PRELID2: variants seen among roughly 807,000 people sequenced by gnomAD.
The protein encoded by PRELID2 is PRELI domain-containing protein 2.
PRELID2 carries 25 observed loss-of-function variants against 28.4 expected under a neutral mutation model. That is an observed-to-expected ratio of 0.88 (90% CI 0.64 to 1.23). The LOEUF is 1.23. PRELID2 is among the 50% of genes most tolerant of loss of function. PRELID2 has a pLI of 0.00. For missense variants in PRELID2, 201 were observed against 214.4 expected, an observed-to-expected ratio of 0.94 and a Z score of 0.39; for synonymous variants, 76 against 71.6, an observed-to-expected ratio of 1.06 and a Z score of -0.31.
At chr5:145,630,133 G>A (rs1006867357) in intron 1 of PRELID2, among the ~76,000 whole-genome samples, 1 of 147,660 alleles carries the variant, frequency 6.8e-6, no homozygotes, top group Admixed American at 6.6e-5. Context: ...TGGATGCATG[G>A]ATGGATGGAT....
chr5:145,619,866 G>T (rs1753750800), intron 1 of PRELID2, among the ~76,000 whole-genome samples: 1 of 152,132 alleles, frequency 6.6e-6, no homozygotes, highest in African/African-American at 2.4e-5. Context: ...GTAAATATAT[G>T]AAAATCAAAT....
the PRELID2 span, among the ~76,000 whole-genome samples, chr5:145,368,765 G>A: frequency 4.0e-5 from 6 of 151,270 alleles, no homozygotes; most frequent in Admixed American, 2.0e-4. Flanking sequence ...CAATGGTAAG[G>A]TTTTAATGCA....
chr5:145,262,915 C>T, the PRELID2 span, among the ~76,000 whole-genome samples: 1 of 152,100 alleles, frequency 6.6e-6, no homozygotes, highest in African/African-American at 2.4e-5. Context: ...ATAAAAACCA[C>T]TAACCAAGTA....
intron 1 of PRELID2, among the ~76,000 whole-genome samples, chr5:145,500,666 G>C (rs1055162677): frequency 1.3e-5 from 2 of 152,264 alleles, no homozygotes; most frequent in African/African-American, 4.8e-5. Flanking sequence ...TTTAAGATAA[G>C]CATGATGCGT....
intron 4 of PRELID2, among the ~76,000 whole-genome samples, chr5:145,805,412 T>A (rs1215562791): frequency 6.6e-6 from 1 of 152,202 alleles, no homozygotes; most frequent in East Asian, 1.9e-4. Flanking sequence ...TGCTTACCAC[T>A]GGGACCATGG....
intron 5 of PRELID2, among the ~76,000 whole-genome samples, chr5:145,768,498 A>C (rs1423728396): frequency 6.6e-6 from 1 of 152,070 alleles, no homozygotes; most frequent in African/African-American, 2.4e-5. Flanking sequence ...CCCTCACTTC[A>C]CTTTTTTATT....
intron 1 of PRELID2, among the ~76,000 whole-genome samples, chr5:145,681,283 C>T (rs752709025): frequency 2.8e-4 from 43 of 152,140 alleles, no homozygotes; most frequent in Non-Finnish European, 6.0e-4. Context: ...TTCTCCCTTT[C>T]CTTTGCTTCT....
chr5:145,730,665 C>T (rs1581108731), intron 1 of PRELID2, among the ~76,000 whole-genome samples: 1 of 152,090 alleles, frequency 6.6e-6, no homozygotes, highest in East Asian at 1.9e-4. Flanking sequence ...CTTGGACAAG[C>T]CCCTCATTCT....
In PRELID2 at chr5:145,740,330, T is replaced by C. The variant is rs1182052433; in HGVS notation, n.70+24601A>G. ...TATATATATATATATAAATCCTAAA[T>C]GTGTATGCACCATACAACAGAGCTG... On this transcript the variant is annotated intron_variant and non_coding_transcript_variant, in intron 1 of 2. Transcript: ENST00000510259. Among the ~76,000 whole-genome samples, 767 of 117,384 alleles carry C rather than the reference T, an allele frequency of 6.5e-3. 12 individuals carry two copies. Among genetic ancestry groups the C allele is most frequent in the African/African-American group, 0.023 (718 of 31,174 alleles). 77.0% of individuals were successfully genotyped at this position (117,384 alleles called of 152,430 possible).
the PRELID2 span, among the ~76,000 whole-genome samples, chr5:145,260,993 G>A: frequency 6.6e-6 from 1 of 152,148 alleles, no homozygotes; most frequent in Non-Finnish European, 1.5e-5. Flanking sequence ...GGAGTGAGAT[G>A]CCTTGTGGGC....
chr5:145,371,924 T>G, the PRELID2 span, among the ~76,000 whole-genome samples: 1 of 151,942 alleles, frequency 6.6e-6, no homozygotes, highest in African/African-American at 2.4e-5. Flanking sequence ...CATTGATTTT[T>G]GGAGAGTTTT....
chr5:145,320,396 A>G, the PRELID2 span, among the ~76,000 whole-genome samples: 1 of 151,258 alleles, frequency 6.6e-6, no homozygotes, highest in South Asian at 2.1e-4. Flanking sequence ...TCAGCCTCCC[A>G]AGTAGCTGGG....
intron 1 of PRELID2, among the ~76,000 whole-genome samples, chr5:145,710,263 G>T (rs1755658279): frequency 1.3e-5 from 2 of 151,902 alleles, no homozygotes; most frequent in South Asian, 4.2e-4. Flanking sequence ...TACTATCTTT[G>T]GTACTACTTA....
exon 3 of PRELID2, chr5:145,471,956 G>T (rs1752058464): frequency 6.6e-6 from 1 of 152,050 alleles, no homozygotes; most frequent in South Asian, 2.1e-4. Context: ...TGGAATCAAA[G>T]GATCAATTCA....
chr5:145,509,818 T>C (rs1256908714), intron 1 of PRELID2, among the ~76,000 whole-genome samples: 1 of 152,204 alleles, frequency 6.6e-6, no homozygotes, highest in African/African-American at 2.4e-5. Flanking sequence ...CCAAAGTTAG[T>C]TAACAAATTA....
the PRELID2 span, among the ~76,000 whole-genome samples, chr5:145,463,416 A>G: frequency 2.0e-5 from 3 of 149,566 alleles, no homozygotes; most frequent in Non-Finnish European, 4.4e-5. Context: ...ATAGTTTACC[A>G]TGTGATGGGA....
chr5:145,252,495 G>T, the PRELID2 span, among the ~76,000 whole-genome samples: 12,577 of 151,924 alleles, frequency 0.083, 1,129 homozygotes, highest in African/African-American at 0.23. Context: ...TTATTGAGAG[G>T]ATTAAATTAG....
intron 1 of PRELID2, among the ~76,000 whole-genome samples, chr5:145,478,932 A>G (rs1752132358): frequency 6.6e-6 from 1 of 152,180 alleles, no homozygotes; most frequent in South Asian, 2.1e-4. Context: ...TAGCCTGGGC[A>G]TGTGCAATAG....
At chr5:145,402,013 A>G in the PRELID2 span, among the ~76,000 whole-genome samples, 1 of 152,124 alleles carries the variant, frequency 6.6e-6, no homozygotes, top group Non-Finnish European at 1.5e-5. Flanking sequence ...TTGATTATTC[A>G]TATTATTTGT....
Sources: allele counts gnomAD v4.1 joint callset (sites outside exome capture counted in the v4.1 genomes callset), GRCh38; gene constraint gnomAD v4.1.1; transcripts MANE v1.5; gene names NCBI Gene and HGNC (gene_info 2026-07-23, HGNC 2026-07-21).